The following TAF1C variants were observed in gnomAD, a reference collection of about 807,000 sequenced individuals.
TAF1C encodes the protein TATA-box binding protein associated factor, RNA polymerase I subunit C.
Under a neutral mutation model 70.5 loss-of-function variants are expected in TAF1C, and 79 were observed. The observed-to-expected ratio is 1.12, with a 90% confidence interval of 0.93 to 1.35. The LOEUF (loss-of-function observed/expected upper bound fraction) is 1.35. Ranked by LOEUF, TAF1C falls within the 40% of genes most tolerant of loss-of-function variation. TAF1C has a pLI of 0.00. For synonymous variants in TAF1C, 614 were observed against 491.1 expected (o/e 1.25, Z -3.31); for missense variants, 1,412 against 1,127.8 (o/e 1.25, Z -3.61).
chr16:84,179,981 C>T lies in TAF1C; in HGVS notation c.1586G>A (p.Trp529Ter). 1.9e-6 allele frequency: 3 copies of T among 1,612,564 alleles called. No homozygotes were observed. The highest frequency in any genetic ancestry group is 2.5e-6 in the Non-Finnish European group (3 of 1,179,936). Residue 529 changes from tryptophan to a stop codon, truncating the protein, a stop_gained, in exon 14 of 15, where the codon TGG (tryptophan) becomes TAG (stop). Coordinates refer to ENST00000566732, the MANE Select transcript of TAF1C (RefSeq NM_001243156.2). LOFTEE classifies it low-confidence loss of function (END_TRUNC). ...AFPLLEPKIQ[W>*]RLQERLKAPT... ...TGCTTTCAGGCGCTCCTGCAGCCGC[C>T]ACTGGATCTTAGGCTCCAGCAGAGG...
At position 84,177,952 on chromosome 16, in the gene TAF1C, TTGTG is replaced by T; in HGVS notation, c.*985_*988del. The T allele has an allele frequency of 1.1e-6, 1 of 905,672 alleles. No homozygotes were observed. Among genetic ancestry groups the T allele is most frequent in the Non-Finnish European group, 1.8e-6 (1 of 560,924 alleles). The allele number at this position is 905,672 out of a possible 1,614,324, so 56.1% of individuals were successfully genotyped here. A position where few individuals can be genotyped will look rare whatever the true frequency, so the allele number is the denominator to read the frequency against. On this transcript the variant is annotated 3_prime_UTR_variant, in exon 15 of 15. Coordinates refer to ENST00000566732, the MANE Select transcript of TAF1C (RefSeq NM_001243156.2). Reference sequence around the variant, plus strand: ...AGTGTATGATTGGGCTAGCTCCTGTTTGTGTGAGTCACATGCAATTCCTTTCACC... The same window carrying T: ...AGTGTATGATTGGGCTAGCTCCTGTTTGAGTCACATGCAATTCCTTTCACC...
In TAF1C at chr16:84,178,968, G is replaced by C. The variant is rs1327801135; in HGVS notation, c.2505C>G (p.Leu835=). ...HTPVLSSSQP[L]RKKPRMGF ...AGAAGCCCATTCGAGGCTTCTTCCG[G>C]AGGGGCTGAGAGCTAGAGAGGACGG... The change falls in exon 15 of 15, where the codon CTC becomes CTG. Residue 835 remains leucine, a synonymous_variant. Transcript: ENST00000566732. 1.2e-6 allele frequency: 2 copies of C among 1,610,276 alleles called. No individual in the cohort carries two copies. Among genetic ancestry groups the C allele is most frequent in the Admixed American group, 1.7e-5 (1 of 59,884 alleles).
chr16:84,180,344 A>G lies in TAF1C; in HGVS notation c.1309T>C (p.Phe437Leu). 1.3e-6 allele frequency: 2 copies of G among 1,539,514 alleles called. No homozygotes were observed. Among genetic ancestry groups the G allele is most frequent in the South Asian group, 2.4e-5 (2 of 83,592 alleles). ...PPTLHLVCTQ[F>L]SLYLVDERLP... is the part of the protein sequence containing the mutation. Reference sequence around the variant, plus strand: ...CGCTCGTCCACTAGGTAGAGAGAGAACTGGGGCCCGAGAAGGAAGGGGGAT... The same window carrying G: ...CGCTCGTCCACTAGGTAGAGAGAGAGCTGGGGCCCGAGAAGGAAGGGGGAT... The change falls in exon 13 of 15, where the codon TTC becomes CTC. Residue 437 changes from phenylalanine (F) to leucine (L), a missense_variant and splice_region_variant. Transcript: ENST00000566732.
chr16:84,184,384 G>A lies in TAF1C; in HGVS notation c.138+467C>T, dbSNP rs75845060. Among the ~76,000 whole-genome samples the A allele has an allele frequency of 7.2e-4, 109 of 152,266 alleles. 1 individual carries two copies. The East Asian group carries it at 0.019, about 27-fold the overall frequency. ...TCATTCCCAGACAGGGTGTTTCCAA[G>A]GGGAACTAGGCGGCTGAGGATTCCA... On this transcript the variant is annotated intron_variant, in intron 2 of 14. Coordinates refer to ENST00000566732, the MANE Select transcript of TAF1C (RefSeq NM_001243156.2).
rs1225114763 is a variant in TAF1C, at chr16:84,183,792, A to G, written c.139-14T>C. The G allele has an allele frequency of 1.2e-6, 2 of 1,602,838 alleles. No homozygotes were observed. The highest frequency in any genetic ancestry group is 1.7e-6 in the Non-Finnish European group (2 of 1,172,046). On this transcript the variant is annotated splice_polypyrimidine_tract_variant and intron_variant, in intron 2 of 14. Coordinates refer to ENST00000566732, the MANE Select transcript of TAF1C (RefSeq NM_001243156.2). ...CAGTGCCCCATTCTGAAGGGAGGACAATCGCAAGGACAGTATCATGATGAA... is the reference window on the plus strand; with the variant it reads ...CAGTGCCCCATTCTGAAGGGAGGACGATCGCAAGGACAGTATCATGATGAA...
rs1027533933 is a variant in TAF1C at position 84,181,348 on chromosome 16, C to G, written c.1144G>C (p.Val382Leu). ...CGTACCTGAGTGTCCAGCATCTTCACTCCGGTGCGGTCACCCACGGTCAGC... is the reference window on the plus strand; with the variant it reads ...CGTACCTGAGTGTCCAGCATCTTCAGTCCGGTGCGGTCACCCACGGTCAGC... ...RVLTVGDRTG[V>L]KMLDTQGPPG... is the part of the protein sequence containing the mutation. The change falls in exon 11 of 15, where the codon GTG becomes CTG. Residue 382 changes from valine to leucine, a missense_variant. Physicochemically the swap from Val to Leu is conservative, Grantham distance 32 (BLOSUM62 1). Transcript: ENST00000566732. 1 of 1,613,642 alleles carries G rather than the reference C, an allele frequency of 6.2e-7. No homozygotes were observed. The highest frequency in any genetic ancestry group is 1.3e-5 in the African/African-American group (1 of 74,940).
At chr16:84,180,397 T>C in intron 12 of TAF1C, 53 bp from the exon 13 acceptor site, 1 of 1,506,938 alleles carries the variant, frequency 6.6e-7, no homozygotes, top group Non-Finnish European at 8.8e-7. Flanking sequence ...CTGAGCTGTG[T>C]AGTGGCCCTC....
chr16:84,180,462 T>C, intron 12 of TAF1C, 118 bp from the exon 13 acceptor site: 1 of 1,080,626 alleles, frequency 9.3e-7, no homozygotes, highest in Non-Finnish European at 1.3e-6. Flanking sequence ...CAGCAGCATC[T>C]CCCATCAGCC....
chr16:84,179,470 T>C lies in TAF1C; in HGVS notation c.2003A>G (p.Gln668Arg). The change falls in exon 15 of 15, where the codon CAG (glutamine) becomes CGG (arginine). Residue 668 changes from glutamine to arginine, a missense_variant. By Grantham distance (43) the Gln-to-Arg change is conservative. Coordinates refer to ENST00000566732, the MANE Select transcript of TAF1C (RefSeq NM_001243156.2). The stretch of plus-strand genomic sequence containing the variant: ...CGCAGGGAGGGAGCCCAGGTCTCTC[T>C]GCAGCAGGAGCTGCCCTCGGGCCAT... ...KAMARGQLLL[Q>R]RDLGSLPAAE... 1 of 1,597,990 alleles carries C rather than the reference T, an allele frequency of 6.3e-7. No individual in the cohort carries two copies. Among genetic ancestry groups the C allele is most frequent in the Non-Finnish European group, 8.5e-7 (1 of 1,176,226 alleles).
At chr16:84,183,211 G>A (rs746118818) in intron 5 of TAF1C, 33 bp downstream of exon 5, 7 of 1,613,802 alleles carry the variant, frequency 4.3e-6, no homozygotes, top group Non-Finnish European at 5.9e-6. Context: ...GGACAGCAGG[G>A]AGTCCCCACC....
rs779241189 is a variant in TAF1C, at chr16:84,179,789, G to C, written c.1684C>G (p.Leu562Val). ...APTPGLVLFQ[L>V]SAAGDVFYQQ... ...TAGAAGACATCTCCCGCCGCCGAGAGCTGGAAGAGCACCAGGCCTGGTGTG... is the reference window on the plus strand; with the variant it reads ...TAGAAGACATCTCCCGCCGCCGAGACCTGGAAGAGCACCAGGCCTGGTGTG... Residue 562 changes from leucine to valine, a missense_variant, in exon 15 of 15, where the codon CTC (leucine) becomes GTC (valine). Leu to Val is a conservative substitution (Grantham distance 32, BLOSUM62 1). Transcript: ENST00000566732. 1 of 1,610,286 alleles carries C rather than the reference G, an allele frequency of 6.2e-7. No individual in the cohort carries two copies. Among genetic ancestry groups the C allele is most frequent in the Non-Finnish European group, 8.5e-7 (1 of 1,178,916 alleles).
intron 2 of TAF1C, among the ~76,000 whole-genome samples, chr16:84,183,988 G>A (rs992527202): frequency 6.6e-6 from 1 of 152,234 alleles, no homozygotes; most frequent in African/African-American, 2.4e-5. Flanking sequence ...GAAGAGCTGG[G>A]ATGTGAACCC....
chr16:84,179,465 C>G lies in TAF1C; in HGVS notation c.2008G>C (p.Asp670His), dbSNP rs766207631. Residue 670 changes from aspartate (D) to histidine (H), a missense_variant, in exon 15 of 15, where the codon GAC (aspartate) becomes CAC (histidine). Transcript: ENST00000566732. ...TCTGCCGCAGGGAGGGAGCCCAGGT[C>G]TCTCTGCAGCAGGAGCTGCCCTCGG... Reference protein sequence around the residue: ...MARGQLLLQRDLGSLPAAEPP... With the variant: ...MARGQLLLQRHLGSLPAAEPP... 6.3e-6 allele frequency: 10 copies of G among 1,597,478 alleles called. No homozygotes were observed. The highest frequency in any genetic ancestry group is 8.5e-6 in the Non-Finnish European group (10 of 1,176,292).
intron 2 of TAF1C, among the ~76,000 whole-genome samples, 192 bp from the exon 3 acceptor site, chr16:84,183,970 G>A (rs1324035462): frequency 3.9e-5 from 6 of 152,320 alleles, no homozygotes; most frequent in East Asian, 1.9e-4. Context: ...AGACAGAGCC[G>A]GTAAAGAGAA....
In TAF1C at chr16:84,178,606, G is replaced by T. The variant is rs1019285101; in HGVS notation, c.*335C>A. ...CATTCCACTGGACAGGAAGGCGTGA[G>T]AACTGAGGGACCTGCCTGAGGCCCC... On this transcript the variant is annotated 3_prime_UTR_variant, in exon 15 of 15. Transcript: ENST00000566732. 1.2e-5 allele frequency: 5 copies of T among 428,216 alleles called. No individual in the cohort carries two copies. The highest frequency in any genetic ancestry group is 8.1e-5 in the African/African-American group (4 of 49,518). 26.5% of individuals were successfully genotyped at this position (428,216 alleles called of 1,614,324 possible).
Position 84,182,144 on chromosome 16 carries a change from G to A in TAF1C, c.721+58C>T, listed in dbSNP as rs2089235450. ...TGCCCTTCTCTGGACCATGCCAAGA[G>A]CACCTCCTCTACCAGAGGCGAGCCC... On this transcript the variant is annotated intron_variant, in intron 7 of 14. Transcript: ENST00000566732. This position sits in a 1 kb window ranked among gnomAD's most constrained non-coding sequence, Gnocchi z 5.0. The A allele has an allele frequency of 2.5e-6, 4 of 1,590,426 alleles. No homozygotes were observed. In the East Asian group the frequency reaches 6.7e-5, roughly 27 times the overall value.
In TAF1C at chr16:84,180,045, G is replaced by C. The variant is rs764729365; in HGVS notation, c.1522C>G (p.Gln508Glu). 1.1e-4 allele frequency: 171 copies of C among 1,604,446 alleles called. No individual in the cohort carries two copies. In the Admixed American group the frequency reaches 1.8e-3, roughly 17 times the overall value. Residue 508 changes from glutamine to glutamate, a missense_variant, in exon 14 of 15, where the codon CAG becomes GAG. Coordinates refer to ENST00000566732, the MANE Select transcript of TAF1C (RefSeq NM_001243156.2). ...GAGTCGATCCTGGAAGGAAGAGACT[G>C]GGGGGGGCCTGCCAGGCGGGGCACC... ...ASVPRLAGPP[Q>E]SLPSRIDSLP...
intron 2 of TAF1C, among the ~76,000 whole-genome samples, chr16:84,184,622 T>C (rs1484233108): frequency 1.3e-5 from 2 of 152,222 alleles, no homozygotes; most frequent in African/African-American, 4.8e-5. Flanking sequence ...AACCGACTGA[T>C]TCAGGCAGCA....
Position 84,179,712 on chromosome 16 carries a change from A to T in TAF1C, c.1761T>A (p.Pro587=). The T allele has an allele frequency of 6.2e-7, 1 of 1,612,336 alleles. No homozygotes were observed. The highest frequency in any genetic ancestry group is 8.5e-7 in the Non-Finnish European group (1 of 1,179,894). ...GGCAGTCAGGTTGGGTGTCGCCAGG[A>T]GGCCCAGCATCTCTGCGGAGGCTGG... ...VDSSLRRDAG[P]PGDTQPDCHA... Residue 587 remains proline (P), a synonymous_variant, in exon 15 of 15, where the codon CCT becomes CCA. Transcript: ENST00000566732.
Sources: gnomAD v4.1 joint callset for allele counts (sites outside exome capture counted in the v4.1 genomes callset) on GRCh38, gnomAD v4.1.1 for gene constraint, Gnocchi (gnomAD v3.1) non-coding constraint, MANE v1.5 for transcripts, NCBI Gene and HGNC (gene_info 2026-07-23, HGNC 2026-07-21) for gene names.